The following PTPRG variants were observed in gnomAD, a reference collection of about 807,000 sequenced individuals.
PTPRG encodes receptor-type tyrosine-protein phosphatase gamma.
A neutral mutation model predicts 165.3 loss-of-function variants in PTPRG; 102 were observed. That is an observed-to-expected ratio of 0.62 (90% CI 0.53 to 0.73). The LOEUF (loss-of-function observed/expected upper bound fraction) is 0.73. PTPRG is among the 30% of genes least tolerant of loss of function. PTPRG has a pLI of 0.00. For synonymous variants in PTPRG, 675 were observed against 669.5 expected (o/e 1.01, Z -0.13); for missense variants, 1,866 against 1,861.4 (o/e 1.00, Z -0.05).
At chr3:61,984,191 C>T (rs2040704672) in intron 2 of PTPRG, among the ~76,000 whole-genome samples, 1 of 152,132 alleles carries the variant, frequency 6.6e-6, no homozygotes, top group African/African-American at 2.4e-5. Context: ...AATACAGTGA[C>T]TTGTGAATGG....
intron 2 of PTPRG, among the ~76,000 whole-genome samples, chr3:61,813,680 G>A (rs1051188970): frequency 6.6e-6 from 1 of 150,618 alleles, no homozygotes; most frequent in African/African-American, 2.4e-5. Flanking sequence ...ATAACTTATT[G>A]AATGTATACT....
chr3:61,591,295 C>G (rs1013776391), intron 1 of PTPRG, among the ~76,000 whole-genome samples: 1 of 152,132 alleles, frequency 6.6e-6, no homozygotes, highest in Non-Finnish European at 1.5e-5. Flanking sequence ...ACTGGATACC[C>G]GAGGGCAAGA....
chr3:61,973,868 T>C (rs2040439990), intron 2 of PTPRG, among the ~76,000 whole-genome samples: 2 of 151,874 alleles, frequency 1.3e-5, no homozygotes, highest in Admixed American at 1.3e-4. Context: ...AAAAGATTGG[T>C]TTCTTCTTTA....
chr3:62,098,794 A>G (rs1702197093), intron 5 of PTPRG, among the ~76,000 whole-genome samples: 1 of 152,208 alleles, frequency 6.6e-6, no homozygotes, highest in African/African-American at 2.4e-5. Context: ...TCAGAAAGCT[A>G]GCAGAGTCTG....
Position 61,670,376 on chromosome 3 carries a change from C to T in PTPRG, c.86-78502C>T, listed in dbSNP as rs77307528. ...AGTTCCCAGGGAGTCTTAAAGATGT[C>T]ACTGTAGCTTTCAGACATACCTGAG... On this transcript the variant is annotated intron_variant, in intron 1 of 29. Coordinates refer to ENST00000474889, the MANE Select transcript of PTPRG (RefSeq NM_002841.4). Among the ~76,000 whole-genome samples, 395 of 152,298 alleles carry T rather than the reference C, an allele frequency of 2.6e-3. 3 individuals carry two copies. Among genetic ancestry groups the T allele is most frequent in the African/African-American group, 9.1e-3 (377 of 41,572 alleles).
In PTPRG at chr3:62,225,964, C is replaced by A. The variant is rs369150094; in HGVS notation, c.2289-5261C>A. ...CCACCACGCCTGGCCAAGCAAAGAA[C>A]CTTTTATGACTATGTACCATACTAG... On this transcript the variant is annotated intron_variant, in intron 13 of 29. Transcript: ENST00000474889. Among the ~76,000 whole-genome samples, 161 of 152,202 alleles carry A rather than the reference C, an allele frequency of 1.1e-3. 1 individual carries two copies. The highest frequency in any genetic ancestry group is 3.7e-3 in the African/African-American group (155 of 41,528).
intron 8 of PTPRG, among the ~76,000 whole-genome samples, chr3:62,181,163 T>C (rs4586801): frequency 0.15 from 22,168 of 152,086 alleles, 1,924 homozygotes; most frequent in African/African-American, 0.23. Flanking sequence ...GATTTAAAAC[T>C]TGAAAGCAGT....
At chr3:61,686,187 C>A (rs7610603) in intron 1 of PTPRG, among the ~76,000 whole-genome samples, 2,156 of 152,282 alleles carry the variant, frequency 0.014, 59 homozygotes, top group African/African-American at 0.046. Context: ...TATTAAGGTT[C>A]TCTAGGACCA....
intron 2 of PTPRG, among the ~76,000 whole-genome samples, chr3:61,835,518 G>C (rs1198086686): frequency 6.6e-6 from 1 of 151,960 alleles, no homozygotes; most frequent in Non-Finnish European, 1.5e-5. Flanking sequence ...ATTCCTAGTA[G>C]AGATGGGATT....
intron 4 of PTPRG, among the ~76,000 whole-genome samples, chr3:62,034,370 T>C (rs1699874992): frequency 6.6e-6 from 1 of 152,222 alleles, no homozygotes; most frequent in South Asian, 2.1e-4. Flanking sequence ...ACACATCATG[T>C]CAGGAAACTG....
intron 4 of PTPRG, among the ~76,000 whole-genome samples, chr3:62,045,801 G>A (rs796647642): frequency 6.6e-6 from 1 of 152,304 alleles, no homozygotes; most frequent in African/African-American, 2.4e-5. Flanking sequence ...TGGCACTCAA[G>A]CTTTATCTTT....
At chr3:62,200,603 T>C (rs974123440) in intron 10 of PTPRG, among the ~76,000 whole-genome samples, 10 of 152,190 alleles carry the variant, frequency 6.6e-5, no homozygotes, top group Admixed American at 3.9e-4. Context: ...AATTCTGTCA[T>C]GTATTTTACC....
chr3:61,770,395 A>G (rs984200050), intron 2 of PTPRG: 1 of 152,216 alleles, frequency 6.6e-6, no homozygotes, highest in Admixed American at 6.5e-5. Context: ...GCCCAGGTTA[A>G]GTCAAAACAT....
chr3:62,184,330 G>A, intron 8 of PTPRG, among the ~76,000 whole-genome samples: 1 of 152,088 alleles, frequency 6.6e-6, no homozygotes, highest in East Asian at 1.9e-4. Flanking sequence ...TGCCCATCTT[G>A]AGCTCTTGGG....
At chr3:61,974,039 C>G (rs760514469) in intron 2 of PTPRG, among the ~76,000 whole-genome samples, 2 of 151,980 alleles carry the variant, frequency 1.3e-5, no homozygotes, top group Admixed American at 1.3e-4. Context: ...GAACCAACAC[C>G]ACAGAGCCAT....
At chr3:61,905,757 A>T (rs1449243878) in intron 2 of PTPRG, among the ~76,000 whole-genome samples, 2 of 152,320 alleles carry the variant, frequency 1.3e-5, no homozygotes, top group Middle Eastern at 3.4e-3. Flanking sequence ...GACAGCTGAG[A>T]GGTGTTATTA....
At chr3:61,987,481 G>C (rs2040789535) in intron 2 of PTPRG, among the ~76,000 whole-genome samples, 1 of 152,144 alleles carries the variant, frequency 6.6e-6, no homozygotes. Flanking sequence ...GTAGTAGGAG[G>C]AGAATTATCA....
At position 61,712,219 on chromosome 3, in the gene PTPRG, TC is replaced by T. The variant is rs1299640930; in HGVS notation, c.86-36657del. Among the ~76,000 whole-genome samples the T allele has an allele frequency of 2.0e-5, 3 of 152,160 alleles. No individual in the cohort carries two copies. In the East Asian group the frequency reaches 5.8e-4, roughly 29 times the overall value. ...TGTTATTATAGTCTTTAAAAAATTG[TC>T]CTTTAACTGCCATCGATTATTTTTA... is the stretch of plus-strand genomic sequence containing the variant. On this transcript the variant is annotated intron_variant, in intron 1 of 29. Transcript: ENST00000474889.
At position 61,562,128 on chromosome 3, in the gene PTPRG, T is replaced by G; in HGVS notation, c.-160T>G. 2.8e-4 allele frequency: 134 copies of G among 470,552 alleles called. No homozygotes were observed. Among genetic ancestry groups the G allele is most frequent in the East Asian group, 5.0e-4 (13 of 26,040 alleles). 29.1% of individuals were successfully genotyped at this position (470,552 alleles called of 1,614,324 possible). On this transcript the variant is annotated 5_prime_UTR_variant, in exon 1 of 30. Coordinates refer to ENST00000474889, the MANE Select transcript of PTPRG (RefSeq NM_002841.4). ...GATTTTCCGGGGGGCGCTCGGCGGC[T>G]TCCCGGATTCCAAGGGGACTCGGGC...
Sources: gnomAD v4.1 joint callset for allele counts (sites outside exome capture counted in the v4.1 genomes callset) on GRCh38, gnomAD v4.1.1 for gene constraint, MANE v1.5 for transcripts, NCBI Gene and HGNC (gene_info 2026-07-23, HGNC 2026-07-21) for gene names.